PLSCR1: variants seen among roughly 807,000 people sequenced by gnomAD.
PLSCR1 encodes the protein PL scramblase 1.
Under a neutral mutation model 37.8 loss-of-function variants are expected in PLSCR1, and 17 were observed. The observed-to-expected ratio is 0.45, with a 90% CI of 0.31 to 0.68. The LOEUF (loss-of-function observed/expected upper bound fraction) is 0.68, where lower values mean the gene tolerates loss of function less well. PLSCR1 is among the 30% of genes least tolerant of loss of function. The pLI is 0.06. For missense variants in PLSCR1, 347 were observed against 380.9 expected (o/e 0.91, Z 0.74); for synonymous variants, 116 against 125.9 (o/e 0.92, Z 0.53).
At chr3:146,535,859 GATA>G (rs2044259053) in intron 2 of PLSCR1, among the ~76,000 whole-genome samples, 1 of 152,100 alleles carries the variant, frequency 6.6e-6, no homozygotes, top group African/African-American at 2.4e-5. Flanking sequence ...TGTAGTGACA[GATA>G]AATATTTTTT....
chr3:146,524,286 A>G (rs2044074189), intron 5 of PLSCR1, among the ~76,000 whole-genome samples: 1 of 152,176 alleles, frequency 6.6e-6, no homozygotes, highest in South Asian at 2.1e-4. Context: ...CAAATTGTTT[A>G]TATTTTTATT....
At chr3:146,526,720 C>G (rs948703512) in intron 4 of PLSCR1, among the ~76,000 whole-genome samples, 1 of 152,058 alleles carries the variant, frequency 6.6e-6, no homozygotes, top group African/African-American at 2.4e-5. Flanking sequence ...GAATGAAATC[C>G]TGTCATTGGC....
intron 8 of PLSCR1, among the ~76,000 whole-genome samples, 180 bp from the exon 9 acceptor site, chr3:146,516,281 T>C (rs1190036146): frequency 6.6e-6 from 1 of 152,194 alleles, no homozygotes; most frequent in African/African-American, 2.4e-5. Flanking sequence ...TGGCTTTCCA[T>C]TTTAATAATA....
intron 4 of PLSCR1, among the ~76,000 whole-genome samples, chr3:146,526,955 T>C (rs2044125604): frequency 1.3e-5 from 2 of 152,178 alleles, no homozygotes; most frequent in Middle Eastern, 6.8e-3. Context: ...GCCTGGCCAG[T>C]ATGGTGAAAC....
chr3:146,518,900 C>T (rs752418969), intron 7 of PLSCR1, among the ~76,000 whole-genome samples: 1 of 151,980 alleles, frequency 6.6e-6, no homozygotes, highest in Non-Finnish European at 1.5e-5. Flanking sequence ...TCCATGAGTG[C>T]AATACTAATT....
In PLSCR1 at chr3:146,521,877, G is replaced by A; in HGVS notation, c.532C>T (p.Pro178Ser). 6.2e-7 allele frequency: 1 copy of A among 1,613,922 alleles called. No individual in the cohort carries two copies. Among genetic ancestry groups the A allele is most frequent in the Non-Finnish European group, 8.5e-7 (1 of 1,179,866 alleles). Residue 178 changes from proline (P) to serine (S), a missense_variant, in exon 6 of 9, where the codon CCA becomes TCA. By Grantham distance (74) the Pro-to-Ser change is moderately conservative. Coordinates refer to ENST00000342435, the MANE Select transcript of PLSCR1 (RefSeq NM_021105.3). ...MGQEVITLER[P>S]LRCSSCCCPC... ...CAACAACAGCTGCTACATCTTAGTG[G>A]TCTCTCCAGAGTTATGACTTCTTGA...
intron 1 of PLSCR1, among the ~76,000 whole-genome samples, chr3:146,540,395 C>T (rs960315311): frequency 1.3e-5 from 2 of 152,148 alleles, no homozygotes; most frequent in African/African-American, 4.8e-5. Flanking sequence ...ACCTCTACTA[C>T]CACGAAGAGG....
intron 1 of PLSCR1, 74 bp from the exon 2 acceptor site, chr3:146,536,639 C>T (rs2044269424): frequency 2.4e-6 from 2 of 846,562 alleles, no homozygotes; most frequent in Non-Finnish European, 2.0e-6. Flanking sequence ...AATCGGGATA[C>T]TCTAAAACTA....
intron 4 of PLSCR1, among the ~76,000 whole-genome samples, chr3:146,527,411 C>T (rs537617930): frequency 1.3e-4 from 20 of 152,100 alleles, no homozygotes; most frequent in African/African-American, 1.9e-4. Flanking sequence ...TTTCATTACA[C>T]GTAGTACATG....
At chr3:146,531,139 G>C (rs943680524) in intron 3 of PLSCR1, among the ~76,000 whole-genome samples, 1 of 152,194 alleles carries the variant, frequency 6.6e-6, no homozygotes, top group East Asian at 1.9e-4. Context: ...GCCTTGAGGG[G>C]TCACCTTTAT....
intron 2 of PLSCR1, 76 bp downstream of exon 2, chr3:146,536,464 C>T (rs2044266983): frequency 1.2e-6 from 1 of 848,826 alleles, no homozygotes; most frequent in Admixed American, 1.8e-5. Context: ...CTGAATAAAA[C>T]ATTATGACAA....
chr3:146,520,777 C>G (rs1403342184), intron 7 of PLSCR1, among the ~76,000 whole-genome samples: 2 of 152,110 alleles, frequency 1.3e-5, no homozygotes, highest in Admixed American at 1.3e-4. Flanking sequence ...CCCCACACAT[C>G]TTTAGTAGAT....
At chr3:146,520,139 A>G (rs2043999186) in intron 7 of PLSCR1, 1 of 152,040 alleles carries the variant, frequency 6.6e-6, no homozygotes, top group African/African-American at 2.4e-5. Context: ...TCAAGTGACT[A>G]TTTCTCAATT....
At position 146,533,522 on chromosome 3, in the gene PLSCR1, T is replaced by G. The variant is rs909295263; in HGVS notation, c.42A>C (p.Glu14Asp). 8.7e-6 allele frequency: 14 copies of G among 1,608,108 alleles called. No homozygotes were observed. The highest frequency in any genetic ancestry group is 1.1e-5 in the Non-Finnish European group (13 of 1,175,618). The change falls in exon 3 of 9, where the codon GAA becomes GAC. Residue 14 changes from glutamate to aspartate, a missense_variant. Transcript: ENST00000342435. Reference sequence around the variant, plus strand: ...GAGGATACCCAACTGGCAAGTTTGTTTCCGGGTGAGAAGCATTCATCTGTG... The same window carrying G: ...GAGGATACCCAACTGGCAAGTTTGTGTCCGGGTGAGAAGCATTCATCTGTG... ...QNSQMNASHP[E>D]TNLPVGYPPQ...
intron 3 of PLSCR1, among the ~76,000 whole-genome samples, chr3:146,532,077 C>T (rs2108652779): frequency 6.6e-6 from 1 of 152,190 alleles, no homozygotes; most frequent in East Asian, 1.9e-4. Flanking sequence ...CTCTTAGCAT[C>T]GTTATCTTAA....
At chr3:146,524,851 G>C (rs535824482) in intron 5 of PLSCR1, among the ~76,000 whole-genome samples, 1 of 152,166 alleles carries the variant, frequency 6.6e-6, no homozygotes, top group Non-Finnish European at 1.5e-5. Context: ...TTTGGAGACA[G>C]GTGAAAATGA....
chr3:146,533,388 C>G (rs2044224418), intron 3 of PLSCR1, 82 bp downstream of exon 3: 1 of 684,220 alleles, frequency 1.5e-6, no homozygotes, highest in African/African-American at 1.8e-5. Flanking sequence ...CTCTCTCTCT[C>G]TTACTCTCTC....
chr3:146,529,697 T>C (rs35590981), intron 3 of PLSCR1, among the ~76,000 whole-genome samples: 8,694 of 152,116 alleles, frequency 0.057, 446 homozygotes, highest in African/African-American at 0.14. Flanking sequence ...TATTTTTTAG[T>C]AGAGACGGGG....
chr3:146,541,496 A>T (rs946119406), intron 1 of PLSCR1, among the ~76,000 whole-genome samples: 1 of 152,252 alleles, frequency 6.6e-6, no homozygotes, highest in Non-Finnish European at 1.5e-5. Context: ...GATTTTAATA[A>T]ATGTGATACA....
Sources: gnomAD v4.1 joint callset for allele counts (sites outside exome capture counted in the v4.1 genomes callset) on GRCh38, gnomAD v4.1.1 for gene constraint, MANE v1.5 for transcripts, NCBI Gene and HGNC (gene_info 2026-07-23, HGNC 2026-07-21) for gene names.